FIG4: variants seen among roughly 807,000 people sequenced by gnomAD.
The protein encoded by FIG4 is FIG4 phosphoinositide 5-phosphatase.
Under a neutral mutation model 118.6 loss-of-function variants are expected in FIG4, and 112 were observed. That is an observed-to-expected ratio of 0.94 (90% CI 0.81 to 1.11). The LOEUF is 1.11. Among genes scored for constraint, FIG4 ranks in the 50% least tolerant of loss-of-function variants. The probability of loss-of-function intolerance (pLI) is 0.00; values close to 1 mark genes in which losing one functional copy is unlikely to be tolerated. For missense variants in FIG4, 969 were observed against 1,111.7 expected (o/e 0.87, Z 1.83); for synonymous variants, 369 against 381.2 (o/e 0.97, Z 0.37).
chr6:109,804,839 A>T (rs1199646535), intron 22 of FIG4, among the ~76,000 whole-genome samples: 2 of 152,174 alleles, frequency 1.3e-5, no homozygotes, highest in East Asian at 3.8e-4. Flanking sequence ...TGTTAATCTA[A>T]AACTAATATA....
chr6:109,727,027 AG>A, intron 3 of FIG4, 81 bp from the exon 4 acceptor site: 3 of 1,009,180 alleles, frequency 3.0e-6, no homozygotes, highest in Non-Finnish European at 4.7e-6. Flanking sequence ...AATGTATCAA[AG>A]GTCTTTGGCC....
At position 109,825,084 on chromosome 6, in the gene FIG4, A is replaced by G. The variant is rs886060985; in HGVS notation, c.2547-4A>G. Reference sequence around the variant, plus strand: ...GCAGCCCTCTCTTTATTCATCTTTTATAGAACACCCATCTCGGCTTTCTCG... The same window carrying G: ...GCAGCCCTCTCTTTATTCATCTTTTGTAGAACACCCATCTCGGCTTTCTCG... On this transcript the variant is annotated splice_region_variant and splice_polypyrimidine_tract_variant and intron_variant, in intron 22 of 22. Transcript: ENST00000230124. The G allele has an allele frequency of 5.6e-6, 9 of 1,612,916 alleles. No homozygotes were observed. Among genetic ancestry groups the G allele is most frequent in the Non-Finnish European group, 7.6e-6 (9 of 1,179,048 alleles).
At chr6:109,702,819 A>T (rs1774944642) in intron 1 of FIG4, among the ~76,000 whole-genome samples, 1 of 152,128 alleles carries the variant, frequency 6.6e-6, no homozygotes, top group Non-Finnish European at 1.5e-5. Flanking sequence ...TTGAACCCTG[A>T]CTTTCCCCTA....
At chr6:109,780,978 A>G (rs1260240441) in intron 16 of FIG4, among the ~76,000 whole-genome samples, 2 of 152,240 alleles carry the variant, frequency 1.3e-5, no homozygotes, top group African/African-American at 2.4e-5. Flanking sequence ...AGATGTTTTT[A>G]GGTATTAAGC....
chr6:109,784,202 A>C (rs1012483075), intron 16 of FIG4, among the ~76,000 whole-genome samples: 5 of 152,126 alleles, frequency 3.3e-5, no homozygotes, highest in Admixed American at 1.3e-4. Context: ...GAACTTTGAC[A>C]TATATCCTTT....
chr6:109,779,734 G>C (rs942147575), intron 16 of FIG4, among the ~76,000 whole-genome samples: 1 of 152,152 alleles, frequency 6.6e-6, no homozygotes, highest in Non-Finnish European at 1.5e-5. Flanking sequence ...ACCTGTACAG[G>C]TTATTTTGCT....
At chr6:109,773,727 A>G (rs1305490140) in intron 15 of FIG4, among the ~76,000 whole-genome samples, 1 of 152,190 alleles carries the variant, frequency 6.6e-6, no homozygotes, top group Admixed American at 6.5e-5. Context: ...ATTGGAGTGC[A>G]GTGGTGCTAT....
intron 22 of FIG4, among the ~76,000 whole-genome samples, chr6:109,817,582 AAG>A (rs1336385627): frequency 2.0e-5 from 3 of 152,074 alleles, no homozygotes; most frequent in African/African-American, 4.8e-5. Context: ...AAAAAAAAAA[AAG>A]AGTATAATTC....
chr6:109,793,720 C>A (rs1280347828), intron 21 of FIG4, among the ~76,000 whole-genome samples: 1 of 152,066 alleles, frequency 6.6e-6, no homozygotes, highest in Non-Finnish European at 1.5e-5. Context: ...TTTACAGAAT[C>A]CATTGAATTA....
At chr6:109,753,625 G>A (rs1388120420) in intron 10 of FIG4, among the ~76,000 whole-genome samples, 2 of 152,164 alleles carry the variant, frequency 1.3e-5, no homozygotes, top group Non-Finnish European at 2.9e-5. Context: ...CCGTTAAGCA[G>A]TGGTTTGTAG....
intron 10 of FIG4, among the ~76,000 whole-genome samples, chr6:109,750,637 TA>T (rs1479925383): frequency 5.9e-5 from 9 of 151,776 alleles, no homozygotes; most frequent in Non-Finnish European, 1.0e-4. Flanking sequence ...TGTCTCTTTA[TA>T]AAAAAAGAAA....
In FIG4 at chr6:109,817,568, T is replaced by TA. The variant is rs5879047; in HGVS notation, c.2547-7505dup. Among the ~76,000 whole-genome samples the TA allele has an allele frequency of 6.4e-3, 902 of 139,944 alleles. 6 individuals are homozygous for TA. The highest frequency in any genetic ancestry group is 0.02 in the African/African-American group (735 of 36,318). The allele number at this position is 139,944 out of a possible 152,430, so 91.8% of individuals were successfully genotyped here. A position where few individuals can be genotyped will look rare whatever the true frequency, so the allele number is the denominator to read the frequency against. ...TATTTTACAGCTCTCAGAGAGTGTGTAAAAAAAAAAAAAAAGAGTATAATT... is the reference window on the plus strand; with the variant it reads ...TATTTTACAGCTCTCAGAGAGTGTGTAAAAAAAAAAAAAAAAGAGTATAATT... On this transcript the variant is annotated intron_variant, in intron 22 of 22. Coordinates refer to ENST00000230124, the MANE Select transcript of FIG4 (RefSeq NM_014845.6).
chr6:109,795,095 G>GTTGTTTTTTTTTTTTTTTTTTTTT (rs1778241142), intron 21 of FIG4, among the ~76,000 whole-genome samples: 1 of 57,194 alleles, frequency 1.7e-5, no homozygotes, highest in African/African-American at 5.8e-5. Context: ...ACACTTGCCA[G>GTTGTTTTTTTTTTTTTTTTTTTTT]TTTTTTTTTT....
intron 22 of FIG4, among the ~76,000 whole-genome samples, chr6:109,808,430 T>A (rs1319848773): frequency 2.1e-5 from 3 of 145,668 alleles, no homozygotes; most frequent in Non-Finnish European, 4.5e-5. Context: ...GCAGTAAAAA[T>A]TATTAAATAT....
chr6:109,713,636 C>T (rs6917300), intron 1 of FIG4, among the ~76,000 whole-genome samples: 44,873 of 151,994 alleles, frequency 0.3, 7,132 homozygotes, highest in Non-Finnish European at 0.35. Flanking sequence ...CATGCGCACA[C>T]GTGCACTGGT....
intron 1 of FIG4, among the ~76,000 whole-genome samples, chr6:109,701,988 C>G (rs1774923042): frequency 6.6e-6 from 1 of 152,190 alleles, no homozygotes; most frequent in African/African-American, 2.4e-5. Context: ...TCTCTTGAGA[C>G]TCACTTCCCC....
At chr6:109,769,195 C>T (rs909161201) in intron 15 of FIG4, among the ~76,000 whole-genome samples, 3 of 151,756 alleles carry the variant, frequency 2.0e-5, no homozygotes, top group Non-Finnish European at 1.5e-5. Context: ...CTCCGCCTCC[C>T]GGGTTCAAGC....
At chr6:109,788,765 A>G (rs1288082836) in intron 18 of FIG4, among the ~76,000 whole-genome samples, 1 of 152,224 alleles carries the variant, frequency 6.6e-6, no homozygotes, top group Non-Finnish European at 1.5e-5. Context: ...AATCAAGATT[A>G]CTTTCTTTTC....
At chr6:109,820,813 T>C (rs1490918424) in intron 22 of FIG4, among the ~76,000 whole-genome samples, 1 of 152,096 alleles carries the variant, frequency 6.6e-6, no homozygotes, top group Non-Finnish European at 1.5e-5. Context: ...AACTGTGCGA[T>C]ACAGTATCCT....
Sources: gnomAD v4.1 joint callset for allele counts (sites outside exome capture counted in the v4.1 genomes callset) on GRCh38, gnomAD v4.1.1 for gene constraint, MANE v1.5 for transcripts, NCBI Gene and HGNC (gene_info 2026-07-23, HGNC 2026-07-21) for gene names.